Variants in ZEB1 observed in about 807,000 individuals in gnomAD.
ZEB1 encodes zinc finger E-box-binding homeobox 1.
Under a neutral mutation model 84.9 loss-of-function variants are expected in ZEB1, and 21 were observed. The observed-to-expected ratio is 0.25, with a 90% CI of 0.18 to 0.36. The LOEUF is 0.36. Ranked by LOEUF, ZEB1 falls within the 10% of genes least tolerant of loss-of-function variation. ZEB1 has a pLI of 1.00. For synonymous variants in ZEB1, 420 were observed against 471.1 expected (o/e 0.89, Z 1.41); for missense variants, 1,104 against 1,330.2 (o/e 0.83, Z 2.65).
At chr10:31,375,589 A>G (rs188918786) in intron 1 of ZEB1, among the ~76,000 whole-genome samples, 141 of 151,926 alleles carry the variant, frequency 9.3e-4, no homozygotes, top group African/African-American at 3.2e-3. Context: ...TTCTACCAAT[A>G]GTCATCAGTT....
At chr10:31,320,167 G>T (rs2033488260) in intron 1 of ZEB1, 1 of 151,286 alleles carries the variant, frequency 6.6e-6, no homozygotes, top group Admixed American at 6.6e-5. Flanking sequence ...TCCACGTTTG[G>T]CGGGGCGCGG....
chr10:31,388,563 T>C (rs1268062524), intron 1 of ZEB1, among the ~76,000 whole-genome samples: 1 of 152,028 alleles, frequency 6.6e-6, no homozygotes, highest in South Asian at 2.1e-4. Flanking sequence ...AGAACCAATT[T>C]ACTTTTTTTG....
At chr10:31,342,976 G>A (rs1289999784) in intron 1 of ZEB1, among the ~76,000 whole-genome samples, 1 of 152,068 alleles carries the variant, frequency 6.6e-6, no homozygotes, top group African/African-American at 2.4e-5. Flanking sequence ...TTGTGTTTGT[G>A]GCAGCACATC....
chr10:31,449,460 T>A (rs1218067807), intron 1 of ZEB1, among the ~76,000 whole-genome samples: 1 of 152,208 alleles, frequency 6.6e-6, no homozygotes, highest in Admixed American at 6.5e-5. Context: ...CTTCTAATAC[T>A]TTTATGGTTT....
chr10:31,362,121 G>A (rs1430459642), intron 1 of ZEB1, among the ~76,000 whole-genome samples: 57 of 151,700 alleles, frequency 3.8e-4, no homozygotes, highest in African/African-American at 1.3e-3. Flanking sequence ...CAGACAGGAC[G>A]GCGGCGGGGC....
chr10:31,347,628 A>T (rs148857338), intron 1 of ZEB1, among the ~76,000 whole-genome samples: 2,460 of 152,358 alleles, frequency 0.016, 52 homozygotes, highest in African/African-American at 0.055. Flanking sequence ...TAACACTTTC[A>T]TAAACCTTTA....
At chr10:31,517,757 C>CAAT (rs766448433) in intron 6 of ZEB1, among the ~76,000 whole-genome samples, 1 of 152,072 alleles carries the variant, frequency 6.6e-6, no homozygotes, top group Non-Finnish European at 1.5e-5. Flanking sequence ...TAATTTTTAA[C>CAAT]AATAATAATG....
chr10:31,364,600 G>A (rs1217443382), intron 1 of ZEB1, among the ~76,000 whole-genome samples: 2 of 152,198 alleles, frequency 1.3e-5, no homozygotes, highest in African/African-American at 2.4e-5. Context: ...GCCTTGCTCC[G>A]CAGGTTTCCA....
At chr10:31,388,748 G>T (rs2049094529) in intron 1 of ZEB1, among the ~76,000 whole-genome samples, 1 of 151,808 alleles carries the variant, frequency 6.6e-6, no homozygotes, top group South Asian at 2.1e-4. Context: ...ATTTTTATTT[G>T]CAAGAGCATG....
intron 1 of ZEB1, among the ~76,000 whole-genome samples, chr10:31,376,564 C>T (rs1345289907): frequency 7.3e-5 from 11 of 151,654 alleles, no homozygotes; most frequent in Admixed American, 5.9e-4. Flanking sequence ...ACATTTAAAA[C>T]TACCAAGTTG....
intron 2 of ZEB1, among the ~76,000 whole-genome samples, chr10:31,490,477 T>C (rs896089853): frequency 4.0e-5 from 6 of 151,738 alleles, no homozygotes; most frequent in Non-Finnish European, 7.4e-5. Context: ...ATTAAGCCCA[T>C]CCAGTGATTT....
At chr10:31,501,573 G>T (rs1325032579) in intron 3 of ZEB1, among the ~76,000 whole-genome samples, 1 of 152,060 alleles carries the variant, frequency 6.6e-6, no homozygotes, top group Admixed American at 6.6e-5. Context: ...TAACTGAACT[G>T]AACGTCAGAG....
At chr10:31,383,188 A>G (rs1336387066) in intron 1 of ZEB1, among the ~76,000 whole-genome samples, 1 of 152,158 alleles carries the variant, frequency 6.6e-6, no homozygotes, top group East Asian at 1.9e-4. Flanking sequence ...ACTATAGAAC[A>G]ACACTGTTCA....
Position 31,448,590 on chromosome 10 carries a change from C to T in ZEB1, c.59-12447C>T, listed in dbSNP as rs1241004181. On this transcript the variant is annotated intron_variant, in intron 1 of 8. Transcript: ENST00000424869. ...TGATGGTGATGTACAGATGGGTTTT[C>T]GGTGTGGATGTCCTTTCTGTTTGTT... Among the ~76,000 whole-genome samples, 881 of 151,132 alleles carry T rather than the reference C, an allele frequency of 5.8e-3. 12 individuals carry two copies. The highest frequency in any genetic ancestry group is 0.018 in the African/African-American group (746 of 40,944).
At chr10:31,336,285 T>C (rs764934870) in intron 1 of ZEB1, among the ~76,000 whole-genome samples, 16 of 152,158 alleles carry the variant, frequency 1.1e-4, no homozygotes, top group Non-Finnish European at 1.6e-4. Context: ...GCACTGGGAT[T>C]GCCAATGAGT....
At chr10:31,476,135 CA>C (rs113957051) in intron 2 of ZEB1, among the ~76,000 whole-genome samples, 3 of 146,956 alleles carry the variant, frequency 2.0e-5, no homozygotes, top group Non-Finnish European at 4.5e-5. Context: ...AGATTGAGAC[CA>C]AAAAAAAATG....
At chr10:31,345,563 T>C (rs1438229788) in intron 1 of ZEB1, among the ~76,000 whole-genome samples, 1 of 152,094 alleles carries the variant, frequency 6.6e-6, no homozygotes, top group Non-Finnish European at 1.5e-5. Context: ...TGCTAACACC[T>C]TTTATGGGAG....
intron 2 of ZEB1, among the ~76,000 whole-genome samples, chr10:31,474,299 G>A (rs1483820640): frequency 5.3e-5 from 8 of 151,504 alleles, no homozygotes; most frequent in Admixed American, 4.6e-4. Context: ...GAAAATTTTT[G>A]CAACCTACTC....
At chr10:31,417,820 T>C (rs575543885) in intron 1 of ZEB1, among the ~76,000 whole-genome samples, 1 of 152,190 alleles carries the variant, frequency 6.6e-6, no homozygotes, top group South Asian at 2.1e-4. Flanking sequence ...ATTGAACATC[T>C]ACTATGTTCC....
Sources: allele counts gnomAD v4.1 joint callset (sites outside exome capture counted in the v4.1 genomes callset), GRCh38; gene constraint gnomAD v4.1.1; transcripts MANE v1.5; gene names NCBI Gene and HGNC (gene_info 2026-07-23, HGNC 2026-07-21).